The following PPP1R1C variants were observed in gnomAD, a reference collection of about 807,000 sequenced individuals.
PPP1R1C encodes protein phosphatase 1 regulatory subunit 1C.
A neutral mutation model predicts 17.4 loss-of-function variants in PPP1R1C; 15 were observed. The observed-to-expected ratio is 0.86, with a 90% CI of 0.58 to 1.33. PPP1R1C has a LOEUF of 1.33. Ranked by LOEUF, PPP1R1C falls within the 40% of genes most tolerant of loss-of-function variation. PPP1R1C has a pLI of 0.00. For synonymous variants in PPP1R1C, 35 were observed against 43.1 expected, an observed-to-expected ratio of 0.81 and a Z score of 0.73; for missense variants, 143 against 130.0, an observed-to-expected ratio of 1.10 and a Z score of -0.48.
intron 4 of PPP1R1C, among the ~76,000 whole-genome samples, chr2:182,072,447 T>G (rs1040215774): frequency 5.3e-5 from 8 of 152,252 alleles, no homozygotes; most frequent in African/African-American, 9.6e-5. Context: ...TGCTTTTGTA[T>G]AATTATTTGG....
At chr2:182,090,475 CTATT>C (rs1167547480) in intron 4 of PPP1R1C, among the ~76,000 whole-genome samples, 4 of 152,040 alleles carry the variant, frequency 2.6e-5, no homozygotes, top group Non-Finnish European at 5.9e-5. Flanking sequence ...GTGATATTTT[CTATT>C]TATAACCGGT....
chr2:182,036,008 C>T (rs972921466), intron 2 of PPP1R1C, among the ~76,000 whole-genome samples: 5 of 152,144 alleles, frequency 3.3e-5, no homozygotes, highest in Admixed American at 1.3e-4. Context: ...CACACACACA[C>T]ACATTTGCTT....
intron 2 of PPP1R1C, among the ~76,000 whole-genome samples, chr2:182,056,648 A>G (rs572458143): frequency 1.2e-3 from 181 of 152,290 alleles, no homozygotes; most frequent in African/African-American, 4.2e-3. Context: ...TTACCAAAGC[A>G]TTCTATATAT....
rs73976939 is a variant in PPP1R1C, at chr2:182,104,939, G to A, written c.242-12268G>A. Among the ~76,000 whole-genome samples, 1,069 of 152,250 alleles carry A rather than the reference G, an allele frequency of 7.0e-3. 10 individuals are homozygous for A. The highest frequency in any genetic ancestry group is 0.024 in the African/African-American group (989 of 41,558). On this transcript the variant is annotated intron_variant, in intron 4 of 4. Transcript: ENST00000682840. ...TATTACTGACTCAATTGCCTTACTT[G>A]TTATTAATCTGTTCATGTTTTCGTG...
intron 2 of PPP1R1C, among the ~76,000 whole-genome samples, chr2:182,021,309 T>TTCTC (rs1239687755): frequency 1.2e-5 from 1 of 83,288 alleles, no homozygotes; most frequent in Non-Finnish European, 2.8e-5. Context: ...TGGTTATTCT[T>TTCTC]TCTCTCTCTC....
rs142082702 is a variant in PPP1R1C at position 182,061,305 on chromosome 2, C to G, written c.143-137C>G. On this transcript the variant is annotated intron_variant, in intron 2 of 4. Transcript: ENST00000682840. ...AAACCACCCACCTCTGTCCTCCTCT[C>G]CTTCTTAGCTGTAAGTTGTAGTTTT... 2.5e-3 allele frequency: 1,504 copies of G among 610,708 alleles called. 4 individuals are homozygous for G. The highest frequency in any genetic ancestry group is 3.4e-3 in the Non-Finnish European group (1,258 of 369,658). 37.8% of individuals were successfully genotyped at this position (610,708 alleles called of 1,614,324 possible).
At chr2:182,063,630 CT>C (rs1687905030) in intron 3 of PPP1R1C, 100 bp from the exon 4 acceptor site, 1 of 890,600 alleles carries the variant, frequency 1.1e-6, no homozygotes, top group African/African-American at 1.7e-5. Flanking sequence ...AATCAGAAAG[CT>C]TTTCATAACA....
At chr2:182,066,271 A>G (rs1687979950) in intron 4 of PPP1R1C, among the ~76,000 whole-genome samples, 1 of 152,138 alleles carries the variant, frequency 6.6e-6, no homozygotes, top group African/African-American at 2.4e-5. Flanking sequence ...CAGTACTGTC[A>G]TCTCAATTGA....
chr2:181,959,020 CAT>C (rs894380129), intron 1 of PPP1R1C, among the ~76,000 whole-genome samples: 1 of 152,194 alleles, frequency 6.6e-6, no homozygotes. Flanking sequence ...ATAGACTACA[CAT>C]ATGTTAAGCG....
At chr2:182,103,745 A>G (rs1689168617) in intron 4 of PPP1R1C, 1 of 152,278 alleles carries the variant, frequency 6.6e-6, no homozygotes, top group African/African-American at 2.4e-5. Flanking sequence ...AAGCAGAACA[A>G]TCTCCTCATT....
intron 4 of PPP1R1C, among the ~76,000 whole-genome samples, chr2:182,114,184 T>G (rs1689515775): frequency 6.6e-6 from 1 of 152,138 alleles, no homozygotes; most frequent in Non-Finnish European, 1.5e-5. Flanking sequence ...GATTCCTTGG[T>G]TTTCCGCCCA....
intron 5 of PPP1R1C, among the ~76,000 whole-genome samples, chr2:182,126,259 T>G (rs1022700343): frequency 6.6e-6 from 1 of 152,110 alleles, no homozygotes; most frequent in Non-Finnish European, 1.5e-5. Context: ...TCTACTTATG[T>G]TAAAGTGTCT....
At chr2:182,110,297 G>T (rs1025624389) in intron 4 of PPP1R1C, among the ~76,000 whole-genome samples, 1 of 151,894 alleles carries the variant, frequency 6.6e-6, no homozygotes, top group African/African-American at 2.4e-5. Flanking sequence ...ATAATACATT[G>T]TTATATGTTA....
chr2:182,104,646 G>C (rs920985724), intron 4 of PPP1R1C, among the ~76,000 whole-genome samples: 7 of 152,104 alleles, frequency 4.6e-5, no homozygotes, highest in African/African-American at 1.7e-4. Context: ...ATGTGCTATT[G>C]AATTTGATTT....
downstream of PPP1R1C, among the ~76,000 whole-genome samples, chr2:182,120,692 C>T (rs1486841317): frequency 6.6e-6 from 1 of 152,176 alleles, no homozygotes; most frequent in Non-Finnish European, 1.5e-5. Flanking sequence ...CTAAACATAA[C>T]ATTGCCCTTC....
chr2:181,975,715 G>A (rs887421068), intron 2 of PPP1R1C, among the ~76,000 whole-genome samples: 13 of 151,230 alleles, frequency 8.6e-5, no homozygotes, highest in African/African-American at 1.5e-4. Flanking sequence ...ATTGTAGTTC[G>A]TTTCCATTGT....
intron 4 of PPP1R1C, among the ~76,000 whole-genome samples, chr2:182,074,104 C>G (rs1023019860): frequency 6.7e-6 from 1 of 148,942 alleles, no homozygotes; most frequent in Non-Finnish European, 1.5e-5. Flanking sequence ...TGCAGTGGCG[C>G]GATCTCGGCT....
intron 2 of PPP1R1C, among the ~76,000 whole-genome samples, chr2:182,055,058 ATTTTG>A (rs1299632619): frequency 1.3e-5 from 2 of 149,458 alleles, no homozygotes; most frequent in Admixed American, 1.4e-4. Context: ...TCCAGTTGTC[ATTTTG>A]TTTTTAGTTT....
At chr2:182,053,165 G>C (rs1160587089) in intron 2 of PPP1R1C, among the ~76,000 whole-genome samples, 1 of 152,126 alleles carries the variant, frequency 6.6e-6, no homozygotes, top group Non-Finnish European at 1.5e-5. Flanking sequence ...TCTTAGAGTA[G>C]GACAAAATTA....
Sources: gnomAD v4.1 joint callset for allele counts (sites outside exome capture counted in the v4.1 genomes callset) on GRCh38, gnomAD v4.1.1 for gene constraint, MANE v1.5 for transcripts, NCBI Gene and HGNC (gene_info 2026-07-23, HGNC 2026-07-21) for gene names.